Variants in CFAP54 observed in about 807,000 individuals in gnomAD.
CFAP54 encodes the protein cilia and flagella associated protein 54, also known as cilia- and flagella-associated protein 54.
A neutral mutation model predicts 370.4 loss-of-function variants in CFAP54; 290 were observed. The ratio of observed to expected loss-of-function variants is 0.78; its 90% CI spans 0.71 to 0.86. The LOEUF is 0.86. Ranked by LOEUF, CFAP54 falls within the 40% of genes least tolerant of loss-of-function variation. The probability of loss-of-function intolerance (pLI) is 0.00; values close to 1 mark genes in which losing one functional copy is unlikely to be tolerated. For missense variants in CFAP54, 3,399 were observed against 3,528.7 expected (o/e 0.96, Z 0.93); for synonymous variants, 1,206 against 1,236.5 (o/e 0.98, Z 0.52).
intron 60 of CFAP54, among the ~76,000 whole-genome samples, chr12:96,768,301 A>C (rs1216701636): frequency 6.6e-6 from 1 of 151,970 alleles, no homozygotes; most frequent in Non-Finnish European, 1.5e-5. Context: ...AGCCTCAGTG[A>C]CAAAGTGAGA....
intron 26 of CFAP54, among the ~76,000 whole-genome samples, chr12:96,613,935 C>G (rs1425595544): frequency 6.7e-6 from 1 of 149,680 alleles, no homozygotes; most frequent in African/African-American, 2.4e-5. Context: ...ACCAGAGGTA[C>G]AAGGAGGAGC....
chr12:96,664,793 A>C (rs371946731), intron 39 of CFAP54, among the ~76,000 whole-genome samples: 908 of 25,932 alleles, frequency 0.035, 36 homozygotes, highest in Non-Finnish European at 0.054. Flanking sequence ...ATATATATAT[A>C]TATATATATA....
chr12:96,500,564 C>G (rs1186847143), intron 1 of CFAP54, among the ~76,000 whole-genome samples: 1 of 152,090 alleles, frequency 6.6e-6, no homozygotes, highest in Admixed American at 6.5e-5. Context: ...TGGGAAATCT[C>G]AGAATCTTCT....
chr12:96,750,398 T>C (rs997141232), intron 55 of CFAP54, among the ~76,000 whole-genome samples: 13 of 152,206 alleles, frequency 8.5e-5, no homozygotes, highest in Non-Finnish European at 1.5e-4. Flanking sequence ...GAATCTCCCA[T>C]CTCCCTTCTG....
At chr12:96,746,124 G>A (rs1592738865) in intron 55 of CFAP54, among the ~76,000 whole-genome samples, 1 of 151,982 alleles carries the variant, frequency 6.6e-6, no homozygotes, top group African/African-American at 2.4e-5. Flanking sequence ...TCCTTCCTGG[G>A]GACCTTGCTT....
intron 17 of CFAP54, among the ~76,000 whole-genome samples, chr12:96,562,696 G>T (rs890322950): frequency 1.1e-4 from 17 of 151,976 alleles, no homozygotes; most frequent in African/African-American, 3.4e-4. Flanking sequence ...TTCCCAAAGT[G>T]CTGGGATTAC....
At chr12:96,681,134 A>C (rs147085417) in intron 40 of CFAP54, among the ~76,000 whole-genome samples, 110 of 149,666 alleles carry the variant, frequency 7.3e-4, no homozygotes, top group Non-Finnish European at 1.2e-3. Context: ...CACACACACA[A>C]AAAGTGGGTA....
At chr12:96,500,438 A>G (rs766439268) in intron 1 of CFAP54, among the ~76,000 whole-genome samples, 3 of 152,170 alleles carry the variant, frequency 2.0e-5, no homozygotes, top group East Asian at 1.9e-4. Context: ...ACCCTAAACT[A>G]TGGACTTTGG....
intron 23 of CFAP54, among the ~76,000 whole-genome samples, chr12:96,590,043 G>A (rs544826475): frequency 3.3e-5 from 5 of 152,234 alleles, no homozygotes; most frequent in African/African-American, 9.6e-5. Flanking sequence ...CACCATGCCC[G>A]GCCAAGAAAC....
At chr12:96,768,179 G>A (rs986366314) in intron 60 of CFAP54, among the ~76,000 whole-genome samples, 8 of 151,806 alleles carry the variant, frequency 5.3e-5, no homozygotes, top group African/African-American at 1.9e-4. Context: ...AAATTAGCCG[G>A]GTGTGCTGCT....
intron 50 of CFAP54, among the ~76,000 whole-genome samples, chr12:96,734,436 C>T (rs1208324324): frequency 6.6e-6 from 1 of 152,086 alleles, no homozygotes; most frequent in African/African-American, 2.4e-5. Flanking sequence ...TTCTCCCTGG[C>T]CCATAGCAGA....
chr12:96,503,185 C>T (rs531200077), intron 2 of CFAP54, among the ~76,000 whole-genome samples: 1 of 143,840 alleles, frequency 7.0e-6, no homozygotes, highest in African/African-American at 2.6e-5. Context: ...CTTCCTCCTT[C>T]CCTCCCTTTC....
chr12:96,658,450 T>C, intron 38 of CFAP54, 104 bp downstream of exon 38: 1 of 1,363,038 alleles, frequency 7.3e-7, no homozygotes, highest in Non-Finnish European at 1.0e-6. Flanking sequence ...TATTTCTGCT[T>C]TAGTATTTCC....
chr12:96,854,483 T>C (rs762290745), intron 66 of CFAP54, among the ~76,000 whole-genome samples: 1 of 152,238 alleles, frequency 6.6e-6, no homozygotes, highest in South Asian at 2.1e-4. Context: ...GTGTAAAAGG[T>C]AAATGGCATA....
intron 26 of CFAP54, 26 bp from the exon 27 acceptor site, chr12:96,621,564 G>T: frequency 1.4e-6 from 2 of 1,398,536 alleles, no homozygotes; most frequent in South Asian, 3.0e-5. Flanking sequence ...GTCCAACAGA[G>T]ATAATTAATA....
chr12:96,860,982 G>A (rs1959866352), intron 67 of CFAP54, 30 bp downstream of exon 67: 6 of 1,426,298 alleles, frequency 4.2e-6, no homozygotes, highest in Non-Finnish European at 5.5e-6. Context: ...AATTGTTGTT[G>A]TTTCTCTTCA....
intron 66 of CFAP54, among the ~76,000 whole-genome samples, chr12:96,855,151 G>A (rs112406654): frequency 0.015 from 2,323 of 152,182 alleles, 70 homozygotes; most frequent in African/African-American, 0.053. Flanking sequence ...TCACTATTAC[G>A]AGAACAGTAT....
intron 50 of CFAP54, 22 bp downstream of exon 50, chr12:96,720,587 G>C (rs1255184908): frequency 2.1e-6 from 3 of 1,437,284 alleles, no homozygotes; most frequent in Non-Finnish European, 2.8e-6. Flanking sequence ...CATGCACAGG[G>C]GAGGGATACC....
Position 96,533,980 on chromosome 12 carries a change from T to C in CFAP54, c.1539+7T>C. ...TCTTATTTATTTTCTCCAGGTAATA[T>C]ATGCAAAATTATCCTCCTGGTTTTT... On this transcript the variant is annotated splice_region_variant and intron_variant, in intron 10 of 67. Coordinates refer to ENST00000524981, the MANE Select transcript of CFAP54 (RefSeq NM_001306084.2). 6.7e-7 allele frequency: 1 copy of C among 1,501,060 alleles called. No homozygotes were observed. The highest frequency in any genetic ancestry group is 2.5e-5 in the East Asian group (1 of 40,618). The allele number at this position is 1,501,060 out of a possible 1,614,324, so 93.0% of individuals were successfully genotyped here.
Sources: gnomAD v4.1 joint callset for allele counts (sites outside exome capture counted in the v4.1 genomes callset) on GRCh38, gnomAD v4.1.1 for gene constraint, MANE v1.5 for transcripts, NCBI Gene and HGNC (gene_info 2026-07-23, HGNC 2026-07-21) for gene names.